Variants in RCAN1 observed in about 807,000 individuals in gnomAD.
RCAN1 encodes the protein calcipressin-1.
Under a neutral mutation model 22.9 loss-of-function variants are expected in RCAN1, and 11 were observed. That is an observed-to-expected ratio of 0.48 (90% CI 0.30 to 0.79). RCAN1 has a LOEUF of 0.79. Among genes scored for constraint, RCAN1 ranks in the 30% least tolerant of loss-of-function variants. RCAN1 has a pLI of 0.06. For synonymous variants in RCAN1, 136 were observed against 142.3 expected, an observed-to-expected ratio of 0.96 and a Z score of 0.32; for missense variants, 291 against 337.8, an observed-to-expected ratio of 0.86 and a Z score of 1.09.
In RCAN1 at chr21:34,545,497, G is replaced by A. The variant is rs1360514748; in HGVS notation, c.253-21787C>T. On this transcript the variant is annotated intron_variant, in intron 1 of 3. Transcript: ENST00000313806. ...CTGCAATGTGGGGCATGGGTGAAAG[G>A]GAAACACTGAGAAAATAGATGTGAC... 5.3e-5 allele frequency among the ~76,000 whole-genome samples: 8 copies of A among 152,300 alleles called. No individual in the cohort carries two copies. In the East Asian group the frequency reaches 1.5e-3, roughly 29 times the overall value.
intron 1 of RCAN1, among the ~76,000 whole-genome samples, chr21:34,568,610 C>A (rs762337189): frequency 6.6e-6 from 1 of 152,134 alleles, no homozygotes; most frequent in Non-Finnish European, 1.5e-5. Flanking sequence ...GCTAATCATA[C>A]GTGAAGGAGG....
intron 1 of RCAN1, among the ~76,000 whole-genome samples, chr21:34,597,398 C>T (rs1601213080): frequency 6.6e-6 from 1 of 152,194 alleles, no homozygotes; most frequent in African/African-American, 2.4e-5. Flanking sequence ...ATACAGGACA[C>T]TCCCACCACC....
intron 1 of RCAN1, among the ~76,000 whole-genome samples, chr21:34,531,221 T>C (rs1985372882): frequency 6.6e-6 from 1 of 152,204 alleles, no homozygotes. Flanking sequence ...TCCGATTTCA[T>C]CGATAAAGAT....
chr21:34,528,008 C>T (rs1046882624), intron 1 of RCAN1, among the ~76,000 whole-genome samples: 1 of 152,198 alleles, frequency 6.6e-6, no homozygotes, highest in Non-Finnish European at 1.5e-5. Context: ...CTTGAACCTT[C>T]TAAGTATTTT....
chr21:34,580,032 A>G (rs1987549276), intron 1 of RCAN1, among the ~76,000 whole-genome samples: 1 of 152,240 alleles, frequency 6.6e-6, no homozygotes, highest in Non-Finnish European at 1.5e-5. Context: ...CCGGTGTCAG[A>G]GAACAGAGGG....
At chr21:34,568,225 A>G (rs768677523) in intron 1 of RCAN1, among the ~76,000 whole-genome samples, 3 of 152,176 alleles carry the variant, frequency 2.0e-5, no homozygotes, top group Non-Finnish European at 2.9e-5. Flanking sequence ...AGCCCCTACA[A>G]TCGGAATTCA....
chr21:34,568,461 T>C (rs539189202), intron 1 of RCAN1, among the ~76,000 whole-genome samples: 54 of 152,340 alleles, frequency 3.5e-4, no homozygotes, highest in African/African-American at 1.2e-3. Flanking sequence ...CTTGTAACTT[T>C]GAGTCTAGAA....
Position 34,518,336 on chromosome 21 carries a change from C to A in RCAN1, c.587-80G>T. On this transcript the variant is annotated intron_variant, in intron 3 of 3. Coordinates refer to ENST00000313806, the MANE Select transcript of RCAN1 (RefSeq NM_004414.7). The surrounding 1 kb of genome is among the most constrained non-coding windows in gnomAD (Gnocchi z 4.2). ...GGCAAACATAAAAGAGCATTCAGGG[C>A]TCTGCTGGGCCAGCTGCTCGTGACC... The A allele has an allele frequency of 2.1e-6, 3 of 1,455,646 alleles. No individual in the cohort carries two copies. Among genetic ancestry groups the A allele is most frequent in the Non-Finnish European group, 2.8e-6 (3 of 1,069,530 alleles). The allele number at this position is 1,455,646 out of a possible 1,614,324, so 90.2% of individuals were successfully genotyped here. A position where few individuals can be genotyped will look rare whatever the true frequency, so the allele number is the denominator to read the frequency against.
At chr21:34,569,447 C>T (rs1465661732) in intron 1 of RCAN1, among the ~76,000 whole-genome samples, 2 of 152,196 alleles carry the variant, frequency 1.3e-5, no homozygotes, top group Admixed American at 6.5e-5. Flanking sequence ...AACAAACGCA[C>T]CTTTCTTCCA....
chr21:34,533,364 C>A (rs1194428745), intron 1 of RCAN1, among the ~76,000 whole-genome samples: 1 of 152,140 alleles, frequency 6.6e-6, no homozygotes, highest in Non-Finnish European at 1.5e-5. Context: ...TTTTTTAAAC[C>A]ATTTTTATTA....
intron 1 of RCAN1, among the ~76,000 whole-genome samples, chr21:34,561,760 C>CTAACTCAAGACCTGAATTT (rs1986797380): frequency 6.6e-6 from 1 of 152,200 alleles, no homozygotes; most frequent in African/African-American, 2.4e-5. Context: ...ATACTGAATT[C>CTAACTCAAGACCTGAATTT]TAACTCAAGA....
intron 1 of RCAN1, among the ~76,000 whole-genome samples, chr21:34,537,165 A>G (rs1450945033): frequency 1.3e-5 from 2 of 152,260 alleles, no homozygotes; most frequent in Admixed American, 1.3e-4. Context: ...AGAACAAGCA[A>G]GACCCCACCA....
chr21:34,564,239 G>C (rs902818520), intron 1 of RCAN1, among the ~76,000 whole-genome samples: 1 of 152,186 alleles, frequency 6.6e-6, no homozygotes, highest in Non-Finnish European at 1.5e-5. Context: ...CCCCACCCTT[G>C]ACATGTGGGC....
At chr21:34,612,583 C>T (rs568263797) in intron 1 of RCAN1, among the ~76,000 whole-genome samples, 7 of 152,354 alleles carry the variant, frequency 4.6e-5, no homozygotes, top group African/African-American at 1.4e-4. Flanking sequence ...AAGGATGACC[C>T]AACCTATGGA....
intron 2 of RCAN1, 70 bp from the exon 3 acceptor site, chr21:34,521,728 C>T (rs1404026819): frequency 6.0e-6 from 8 of 1,339,470 alleles, no homozygotes; most frequent in Non-Finnish European, 7.2e-6. Flanking sequence ...CAGCACCTAA[C>T]GCCAGTTCCG....
At chr21:34,529,672 G>A (rs1985266806) in intron 1 of RCAN1, among the ~76,000 whole-genome samples, 1 of 152,222 alleles carries the variant, frequency 6.6e-6, no homozygotes, top group Non-Finnish European at 1.5e-5. Flanking sequence ...TTGGAGGCAA[G>A]TATATTCCTG....
At chr21:34,604,652 C>T (rs1256547098) in intron 1 of RCAN1, among the ~76,000 whole-genome samples, 1 of 152,214 alleles carries the variant, frequency 6.6e-6, no homozygotes, top group African/African-American at 2.4e-5. Context: ...CAGATTCCTA[C>T]ATGGAAAACT....
At chr21:34,553,960 A>C (rs1986462943) in intron 1 of RCAN1, among the ~76,000 whole-genome samples, 1 of 152,254 alleles carries the variant, frequency 6.6e-6, no homozygotes, top group Non-Finnish European at 1.5e-5. Context: ...CTCAATATTT[A>C]ATCAGCGATT....
chr21:34,521,917 C>T, intron 2 of RCAN1: 1 of 476,110 alleles, frequency 2.1e-6, no homozygotes, highest in East Asian at 3.5e-5. Flanking sequence ...AATAATTACG[C>T]TTGACCTAGA....
Sources: gnomAD v4.1 joint callset for allele counts (sites outside exome capture counted in the v4.1 genomes callset) on GRCh38, gnomAD v4.1.1 for gene constraint, Gnocchi (gnomAD v3.1) non-coding constraint, MANE v1.5 for transcripts, NCBI Gene and HGNC (gene_info 2026-07-23, HGNC 2026-07-21) for gene names.